The following MAP3K19 variants were observed in gnomAD, a reference collection of about 807,000 sequenced individuals.
MAP3K19 encodes the protein SPS1/STE20-related protein kinase YSK4.
In MAP3K19, 91 loss-of-function variants were observed where a neutral mutation model predicts 114.4. That is an observed-to-expected ratio of 0.80 (90% CI 0.67 to 0.95). MAP3K19 has a LOEUF of 0.95. Ranked by LOEUF, MAP3K19 falls within the 40% of genes least tolerant of loss-of-function variation. The probability of loss-of-function intolerance (pLI) is 0.00; values close to 1 mark genes in which losing one functional copy is unlikely to be tolerated. For synonymous variants in MAP3K19, 518 were observed against 530.5 expected (o/e 0.98, Z 0.32); for missense variants, 1,471 against 1,573.2 (o/e 0.94, Z 1.10).
intron 5 of MAP3K19, among the ~76,000 whole-genome samples, chr2:135,018,726 C>A (rs1687765654): frequency 6.6e-6 from 1 of 152,070 alleles, no homozygotes; most frequent in African/African-American, 2.4e-5. Flanking sequence ...GTCTTTTCAA[C>A]AAATGATAGA....
intron 3 of MAP3K19, among the ~76,000 whole-genome samples, chr2:135,027,536 G>A (rs900882519): frequency 1.3e-5 from 2 of 152,134 alleles, no homozygotes; most frequent in Non-Finnish European, 2.9e-5. Context: ...TCATATTCAC[G>A]CATGATGCCT....
intron 12 of MAP3K19, among the ~76,000 whole-genome samples, chr2:134,979,834 GGAGA>G (rs925734827): frequency 4.6e-5 from 7 of 151,984 alleles, no homozygotes; most frequent in African/African-American, 1.7e-4. Context: ...ACATGTGCTG[GGAGA>G]GAGAGACAGA....
chr2:135,004,504 G>A (rs1221464959), intron 6 of MAP3K19, among the ~76,000 whole-genome samples: 1 of 152,212 alleles, frequency 6.6e-6, no homozygotes, highest in Non-Finnish European at 1.5e-5. Context: ...GGTGCGAAGG[G>A]ATGAGAAACA....
chr2:134,986,552 T>A lies in MAP3K19; in HGVS notation c.2320A>T (p.Asn774Tyr). 1 of 1,614,158 alleles carries A rather than the reference T, an allele frequency of 6.2e-7. No homozygotes were observed. Among genetic ancestry groups the A allele is most frequent in the Non-Finnish European group, 8.5e-7 (1 of 1,180,012 alleles). ...EPDWQIKSSGNEFLSSKDEIH... is the reference protein window; with the variant it reads ...EPDWQIKSSGYEFLSSKDEIH... The stretch of plus-strand genomic sequence containing the variant: ...TCATCTTTGGAAGATAGAAACTCAT[T>A]TCCTGAAGACTTTATCTGCCAGTCT... The change falls in exon 10 of 13, where the codon AAT (asparagine) becomes TAT (tyrosine). Residue 774 changes from asparagine (N) to tyrosine (Y), a missense_variant. By Grantham distance (143) the Asn-to-Tyr change is moderately radical. Transcript: ENST00000392915.
In MAP3K19 at chr2:135,021,788, T is replaced by A; in HGVS notation, c.65A>T (p.Asn22Ile). Residue 22 changes from asparagine to isoleucine, a missense_variant, in exon 5 of 13, where the codon AAC (asparagine) becomes ATC (isoleucine). Asn to Ile is a moderately radical substitution (Grantham distance 149). Coordinates refer to ENST00000392915, the MANE Select transcript of MAP3K19 (RefSeq NM_025052.5). ...TGTCATCAAATCAGTTGGAGAAGAG[T>A]TTGTATCATGACAAATGTCAAGCAA... ...ESLLDICHDTNSSPTDLMTVT... is the reference protein window; with the variant it reads ...ESLLDICHDTISSPTDLMTVT... 6.2e-7 allele frequency: 1 copy of A among 1,611,586 alleles called. No homozygotes were observed. Among genetic ancestry groups the A allele is most frequent in the Non-Finnish European group, 8.5e-7 (1 of 1,179,136 alleles).
At chr2:135,025,271 T>G (rs1049607349) in intron 3 of MAP3K19, among the ~76,000 whole-genome samples, 9 of 151,958 alleles carry the variant, frequency 5.9e-5, no homozygotes, top group African/African-American at 2.2e-4. Context: ...GCATAGAATC[T>G]TCTCTTTAAA....
At chr2:134,976,840 T>A (rs1357780159) in intron 12 of MAP3K19, among the ~76,000 whole-genome samples, 1 of 150,004 alleles carries the variant, frequency 6.7e-6, no homozygotes, top group Non-Finnish European at 1.5e-5. Context: ...AGGTCAGGAG[T>A]TCGAGACCAG....
At chr2:134,991,125 C>G (rs1408188781) in intron 9 of MAP3K19, among the ~76,000 whole-genome samples, 2 of 151,892 alleles carry the variant, frequency 1.3e-5, no homozygotes, top group Non-Finnish European at 2.9e-5. Context: ...CATGGAGAAA[C>G]CCCGTCTCTA....
chr2:134,975,949 T>C (rs1684205426), intron 12 of MAP3K19, among the ~76,000 whole-genome samples: 1 of 152,152 alleles, frequency 6.6e-6, no homozygotes, highest in African/African-American at 2.4e-5. Flanking sequence ...GGTAGGCAGT[T>C]CTTAGGCACT....
At chr2:134,981,616 C>T (rs1684663788) in intron 11 of MAP3K19, 98 bp from the exon 12 acceptor site, 1 of 938,546 alleles carries the variant, frequency 1.1e-6, no homozygotes, top group Non-Finnish European at 1.6e-6. Flanking sequence ...TCTTTCTAAA[C>T]CCTTGTCTTT....
rs1171594166 is a variant in MAP3K19 at position 135,032,583 on chromosome 2, GT to G, written c.-283-2084del. On this transcript the variant is annotated intron_variant, in intron 2 of 12. Transcript: ENST00000392915. ...GGATTGGATAAATAAAATGTTGTTT[GT>G]TTTTTTTTTAATTTAATTTAATTTT... Among the ~76,000 whole-genome samples the G allele has an allele frequency of 7.1e-3, 926 of 129,924 alleles. 12 individuals are homozygous for G. Among genetic ancestry groups the G allele is most frequent in the Non-Finnish European group, 9.9e-3 (633 of 63,816 alleles). The allele number at this position is 129,924 out of a possible 152,430, so 85.2% of individuals were successfully genotyped here.
At chr2:135,022,023 G>A (rs1182731664) in intron 4 of MAP3K19, among the ~76,000 whole-genome samples, 193 bp from the exon 5 acceptor site, 1 of 150,234 alleles carries the variant, frequency 6.7e-6, no homozygotes, top group Non-Finnish European at 1.5e-5. Context: ...TCCACGGAGT[G>A]GATGGCTTAC....
chr2:134,973,368 T>G (rs146993895), intron 12 of MAP3K19, among the ~76,000 whole-genome samples: 11 of 152,340 alleles, frequency 7.2e-5, no homozygotes, highest in African/African-American at 2.6e-4. Flanking sequence ...TTTATCATTA[T>G]ATAGTGACTT....
intron 2 of MAP3K19, among the ~76,000 whole-genome samples, chr2:135,037,849 G>C (rs1330637647): frequency 1.3e-5 from 2 of 152,102 alleles, no homozygotes; most frequent in African/African-American, 4.8e-5. Flanking sequence ...GGGAATTAGG[G>C]CTTAGGGAAC....
chr2:134,981,268 A>AATG lies in MAP3K19; in HGVS notation c.3470_3472dup (p.Pro1157_Leu1158insSer). On this transcript the variant is annotated inframe_insertion, in exon 12 of 13. Transcript: ENST00000392915. ...ATATTTACAGAACACCATCTCAGGC[A>AATG]ATGGCCCAAAACGGTTTATAATACT... 2 of 1,614,270 alleles carry AATG rather than the reference A, an allele frequency of 1.2e-6. No individual in the cohort carries two copies. Among genetic ancestry groups the AATG allele is most frequent in the Non-Finnish European group, 1.7e-6 (2 of 1,180,054 alleles).
intron 12 of MAP3K19, among the ~76,000 whole-genome samples, chr2:134,975,578 G>A (rs920637667): frequency 6.6e-6 from 1 of 152,126 alleles, no homozygotes; most frequent in African/African-American, 2.4e-5. Context: ...TGCAGCTCCG[G>A]TGGTGGTGGG....
chr2:134,991,418 G>T, intron 9 of MAP3K19, 119 bp downstream of exon 9: 2 of 855,382 alleles, frequency 2.3e-6, no homozygotes, highest in South Asian at 2.7e-5. Flanking sequence ...GGACATCAGT[G>T]ACCCTACCCC....
At chr2:134,996,260 ACTT>A (rs1685979951) in intron 8 of MAP3K19, among the ~76,000 whole-genome samples, 1 of 145,900 alleles carries the variant, frequency 6.9e-6, no homozygotes. Flanking sequence ...CACAGCTAGT[ACTT>A]CTTATTTCTT....
At chr2:134,995,757 A>G (rs142540227) in intron 8 of MAP3K19, among the ~76,000 whole-genome samples, 1,889 of 152,322 alleles carry the variant, frequency 0.012, 19 homozygotes, top group Middle Eastern at 0.031. Context: ...TAACAGAGAC[A>G]TTGAATATTG....
Sources: allele counts gnomAD v4.1 joint callset (sites outside exome capture counted in the v4.1 genomes callset), GRCh38; gene constraint gnomAD v4.1.1; transcripts MANE v1.5; gene names NCBI Gene and HGNC (gene_info 2026-07-23, HGNC 2026-07-21).